Variants in LRRC7 observed in about 807,000 individuals in gnomAD.
LRRC7 encodes the protein leucine-rich repeat-containing protein 7.
In LRRC7, 23 loss-of-function variants were observed where a neutral mutation model predicts 175.7. The ratio of observed to expected loss-of-function variants is 0.13; its 90% CI spans 0.09 to 0.19. LRRC7 has a LOEUF of 0.19. LRRC7 is among the 10% of genes least tolerant of loss of function. The pLI is 1.00. For synonymous variants in LRRC7, 685 were observed against 680.9 expected (o/e 1.01, Z -0.09); for missense variants, 1,354 against 1,904.7 (o/e 0.71, Z 5.38).
At chr1:69,798,858 C>T (rs1191673292) in intron 4 of LRRC7, among the ~76,000 whole-genome samples, 6 of 152,134 alleles carry the variant, frequency 3.9e-5, no homozygotes, top group Admixed American at 2.0e-4. Flanking sequence ...TGCCCCATAT[C>T]TGTGTCACAC....
chr1:70,116,601 GT>G (rs1447412669), intron 26 of LRRC7, among the ~76,000 whole-genome samples: 3 of 150,554 alleles, frequency 2.0e-5, no homozygotes, highest in Non-Finnish European at 4.4e-5. Context: ...TTCTGCAAAG[GT>G]TTTTTTTAAA....
At chr1:69,752,073 T>G (rs990167958) in intron 2 of LRRC7, among the ~76,000 whole-genome samples, 1 of 152,128 alleles carries the variant, frequency 6.6e-6, no homozygotes, top group Non-Finnish European at 1.5e-5. Context: ...TCAAATGTGA[T>G]CATTTCAAGA....
At chr1:70,039,948 T>C (rs562811115) in intron 21 of LRRC7, among the ~76,000 whole-genome samples, 155 bp downstream of exon 21, 1 of 152,360 alleles carries the variant, frequency 6.6e-6, no homozygotes, top group East Asian at 1.9e-4. Context: ...TGGATCATAA[T>C]AGTTTTTCAT....
At chr1:69,637,989 G>A (rs1057313482) in intron 1 of LRRC7, among the ~76,000 whole-genome samples, 2 of 151,824 alleles carry the variant, frequency 1.3e-5, no homozygotes, top group African/African-American at 4.8e-5. Context: ...GAGAGAAAGG[G>A]TGGGATTGGA....
intron 2 of LRRC7, among the ~76,000 whole-genome samples, chr1:69,750,820 G>A (rs1669779751): frequency 6.6e-6 from 1 of 152,138 alleles, no homozygotes; most frequent in South Asian, 2.1e-4. Context: ...CATGAGGGCG[G>A]GGTCTTCATG....
intron 16 of LRRC7, 164 bp downstream of exon 16, chr1:70,021,293 C>G (rs1657469472): frequency 5.1e-6 from 3 of 589,970 alleles, no homozygotes; most frequent in Non-Finnish European, 5.7e-6. Context: ...TGGTGTGCTT[C>G]AGAATGAGAC....
chr1:69,885,327 T>C (rs1351110255), intron 7 of LRRC7, among the ~76,000 whole-genome samples: 3 of 146,054 alleles, frequency 2.1e-5, no homozygotes, highest in African/African-American at 7.9e-5. Context: ...ATTCAACTTC[T>C]TCCTGGTTTA....
rs61782569 is a variant in LRRC7 at position 69,857,409 on chromosome 1, A to G, written c.647+19126A>G. ...TCTCCTTAAGCTGATAAGCAACTTC[A>G]GCAAACTCTCAGGATACAAAATCAA... On this transcript the variant is annotated intron_variant, in intron 7 of 26. Transcript: ENST00000651989. Among the ~76,000 whole-genome samples the G allele has an allele frequency of 2.0e-3, 307 of 152,342 alleles. 1 individual carries two copies. The highest frequency in any genetic ancestry group is 0.017 in the Middle Eastern group (5 of 294).
At chr1:69,808,677 A>G (rs922168972) in intron 4 of LRRC7, among the ~76,000 whole-genome samples, 4 of 152,144 alleles carry the variant, frequency 2.6e-5, no homozygotes, top group Admixed American at 1.3e-4. Flanking sequence ...GTAAATAATG[A>G]CATTAATGCA....
chr1:69,574,724 T>C (rs1645874833), intron 1 of LRRC7, among the ~76,000 whole-genome samples: 1 of 152,156 alleles, frequency 6.6e-6, no homozygotes, highest in African/African-American at 2.4e-5. Context: ...TTACCACCAG[T>C]AGGCACCTTA....
chr1:69,694,549 G>T (rs1326862383), intron 2 of LRRC7, among the ~76,000 whole-genome samples: 1 of 152,038 alleles, frequency 6.6e-6, no homozygotes, highest in Non-Finnish European at 1.5e-5. Flanking sequence ...ATATGGTTTG[G>T]ATATTTTCTT....
chr1:69,801,285 G>T lies in LRRC7; in HGVS notation c.421+9125G>T, dbSNP rs189486428. On this transcript the variant is annotated intron_variant, in intron 4 of 26. Transcript: ENST00000651989. The stretch of plus-strand genomic sequence containing the variant: ...CAAGTTTTTGGAACTGTTTCATGAG[G>T]ATTGGTACCAGTTCTTCTTTGTAGG... Among the ~76,000 whole-genome samples, 73 of 151,816 alleles carry T rather than the reference G, an allele frequency of 4.8e-4. 1 individual carries two copies. The South Asian group carries it at 0.013, about 28-fold the overall frequency.
chr1:69,989,963 G>A (rs186204106), intron 10 of LRRC7, among the ~76,000 whole-genome samples: 24 of 152,152 alleles, frequency 1.6e-4, no homozygotes, highest in Non-Finnish European at 2.5e-4. Flanking sequence ...TCTGGATAGC[G>A]GAGTAATATC....
chr1:69,581,434 C>A (rs1316761154), intron 1 of LRRC7, among the ~76,000 whole-genome samples: 1 of 152,098 alleles, frequency 6.6e-6, no homozygotes, highest in Non-Finnish European at 1.5e-5. Context: ...GTAGTGAGGG[C>A]TAACAAAAGA....
rs539691962 is a variant in LRRC7 at position 69,641,338 on chromosome 1, C to T, written c.3-37043C>T. Among the ~76,000 whole-genome samples the T allele has an allele frequency of 5.3e-5, 8 of 151,608 alleles. No homozygotes were observed. The East Asian group carries it at 1.4e-3, about 26-fold the overall frequency. On this transcript the variant is annotated intron_variant, in intron 1 of 26. Coordinates refer to ENST00000651989, the MANE Select transcript of LRRC7 (RefSeq NM_001370785.2). ...TACATGGGCAGTACTTTAAGTTTGT[C>T]TTCTATTTTCTTTTTATTATAAATC...
chr1:70,011,419 A>T (rs1392307287), intron 11 of LRRC7, among the ~76,000 whole-genome samples: 3 of 152,010 alleles, frequency 2.0e-5, no homozygotes, highest in African/African-American at 7.2e-5. Flanking sequence ...CTCCCAACTC[A>T]ATCATCCCCT....
At chr1:69,937,637 A>G (rs1557909336) in intron 8 of LRRC7, among the ~76,000 whole-genome samples, 1 of 151,982 alleles carries the variant, frequency 6.6e-6, no homozygotes, top group South Asian at 2.1e-4. Flanking sequence ...CATATTACTC[A>G]TCAATTTTGG....
intron 13 of LRRC7, 94 bp from the exon 14 acceptor site, chr1:70,016,371 A>G (rs1284378573): frequency 2.2e-6 from 2 of 913,054 alleles, no homozygotes; most frequent in Non-Finnish European, 3.2e-6. Flanking sequence ...CAAGAAAAGA[A>G]TGAAACCAAC....
intron 3 of LRRC7, among the ~76,000 whole-genome samples, chr1:69,771,151 T>G (rs1394811302): frequency 6.6e-6 from 1 of 152,190 alleles, no homozygotes; most frequent in Non-Finnish European, 1.5e-5. Flanking sequence ...TTTTTTTCCA[T>G]ATATGTTCTT....
Sources: allele counts gnomAD v4.1 joint callset (sites outside exome capture counted in the v4.1 genomes callset), GRCh38; gene constraint gnomAD v4.1.1; transcripts MANE v1.5; gene names NCBI Gene and HGNC (gene_info 2026-07-23, HGNC 2026-07-21).